The following BATF variants were observed in gnomAD, a reference collection of about 807,000 sequenced individuals.
BATF encodes basic leucine zipper ATF-like transcription factor.
In BATF, 5 loss-of-function variants were observed where a neutral mutation model predicts 13.7. That is an observed-to-expected ratio of 0.36 (90% CI 0.19 to 0.77). The LOEUF is 0.77. Ranked by LOEUF, BATF falls within the 30% of genes least tolerant of loss-of-function variation. The pLI, the probability that BATF is intolerant of heterozygous loss-of-function variation, is 0.51. For synonymous variants in BATF, 72 were observed against 67.5 expected (o/e 1.07, Z -0.33); for missense variants, 124 against 163.0 (o/e 0.76, Z 1.30).
At position 75,540,012 on chromosome 14, in the gene BATF, C is replaced by T. The variant is rs1421787324; in HGVS notation, c.169-6450C>T. Reference sequence around the variant, plus strand: ...ACGCCACTTAAGTGTAGGTGGGAGCCAAAAGGTCACCCTGCCAATACATGA... The same window carrying T: ...ACGCCACTTAAGTGTAGGTGGGAGCTAAAAGGTCACCCTGCCAATACATGA... On this transcript the variant is annotated intron_variant, in intron 2 of 2. Transcript: ENST00000286639. Among the ~76,000 whole-genome samples the T allele has an allele frequency of 2.0e-5, 3 of 152,066 alleles. No homozygotes were observed. In the East Asian group the frequency reaches 5.8e-4, roughly 29 times the overall value.
intron 1 of BATF, among the ~76,000 whole-genome samples, chr14:75,523,049 T>A (rs953062632): frequency 4.0e-5 from 6 of 151,782 alleles, no homozygotes; most frequent in Admixed American, 1.3e-4. Flanking sequence ...AGGATGAACA[T>A]CAAAGAATGC....
chr14:75,546,151 C>A (rs377054982), intron 2 of BATF, among the ~76,000 whole-genome samples: 5 of 152,150 alleles, frequency 3.3e-5, no homozygotes, highest in African/African-American at 9.7e-5. Flanking sequence ...GGTAAGCCAC[C>A]GCGCCCGGCC....
chr14:75,531,255 C>T (rs1887726843), intron 2 of BATF, among the ~76,000 whole-genome samples: 1 of 152,150 alleles, frequency 6.6e-6, no homozygotes, highest in East Asian at 1.9e-4. Flanking sequence ...ATGGCAAATC[C>T]GTTTCCTTTG....
rs756620195 is a variant in BATF, at chr14:75,522,733, C to T, written c.51C>T (p.Pro17=). Residue 17 remains proline (P), a synonymous_variant, in exon 1 of 3, where the codon CCC becomes CCT. Transcript: ENST00000286639. ...SSDSSFSRSP[P]PGKQDSSDDV... is the part of the protein sequence containing the mutation. ...ACTCCAGCTTCAGCCGCTCTCCTCC[C>T]CCTGGCAAACAGGTAGAGTCCTCCT... is the stretch of plus-strand genomic sequence containing the variant. The T allele has an allele frequency of 6.2e-7, 1 of 1,614,202 alleles. No individual in the cohort carries two copies. Among genetic ancestry groups the T allele is most frequent in the Non-Finnish European group, 8.5e-7 (1 of 1,180,012 alleles).
At chr14:75,525,261 C>T in intron 2 of BATF, 73 bp downstream of exon 2, 1 of 1,459,756 alleles carries the variant, frequency 6.9e-7, no homozygotes, top group Non-Finnish European at 9.4e-7. Flanking sequence ...ACCCTTGGAC[C>T]ATAGCTTTGA....
intron 2 of BATF, among the ~76,000 whole-genome samples, chr14:75,537,173 C>T (rs1055535408): frequency 3.3e-5 from 5 of 152,108 alleles, no homozygotes; most frequent in African/African-American, 4.8e-5. Context: ...GGAAATGGCA[C>T]GACGAAGTTC....
chr14:75,538,144 A>T (rs1048992665), intron 2 of BATF, among the ~76,000 whole-genome samples: 8 of 152,126 alleles, frequency 5.3e-5, no homozygotes, highest in African/African-American at 1.9e-4. Context: ...TTTTTTGTAA[A>T]GATTGGGTAT....
At chr14:75,538,816 G>A (rs1387613639) in intron 2 of BATF, among the ~76,000 whole-genome samples, 2 of 152,202 alleles carry the variant, frequency 1.3e-5, no homozygotes, top group Non-Finnish European at 2.9e-5. Flanking sequence ...CAGGAGAATG[G>A]CATGAACCCG....
At chr14:75,545,388 ATTTTTTTTT>A (rs35791450) in intron 2 of BATF, among the ~76,000 whole-genome samples, 2 of 105,216 alleles carry the variant, frequency 1.9e-5, no homozygotes, top group Non-Finnish European at 3.6e-5. Flanking sequence ...CGCCTGGTTA[ATTTTTTTTT>A]TTTTTTTTTT....
intron 2 of BATF, among the ~76,000 whole-genome samples, chr14:75,526,952 A>C (rs1887662824): frequency 6.6e-6 from 1 of 152,204 alleles, no homozygotes; most frequent in Admixed American, 6.5e-5. Context: ...AACTGCTGTA[A>C]GCTTTTTAAG....
At chr14:75,538,856 G>T (rs184238309) in intron 2 of BATF, among the ~76,000 whole-genome samples, 4 of 152,346 alleles carry the variant, frequency 2.6e-5, no homozygotes, top group South Asian at 4.1e-4. Flanking sequence ...AGCCGAGATC[G>T]TGCCACTGCA....
chr14:75,534,217 C>T (rs1887785804), intron 2 of BATF, among the ~76,000 whole-genome samples: 2 of 152,298 alleles, frequency 1.3e-5, no homozygotes, highest in Middle Eastern at 3.4e-3. Flanking sequence ...ATTTATGCTA[C>T]AGAAAGAAAC....
intron 2 of BATF, 47 bp downstream of exon 2, chr14:75,525,235 C>G: frequency 1.9e-6 from 3 of 1,561,278 alleles, no homozygotes; most frequent in Non-Finnish European, 2.6e-6. Flanking sequence ...TAGGCTTTGC[C>G]CTCCGCCATC....
At chr14:75,546,385 C>T in intron 2 of BATF, 77 bp from the exon 3 acceptor site, 1 of 1,475,764 alleles carries the variant, frequency 6.8e-7, no homozygotes, top group Non-Finnish European at 9.4e-7. Flanking sequence ...TCTGGCCCCT[C>T]CTGTGTCCCT....
chr14:75,533,686 G>C (rs1887773544), intron 2 of BATF, among the ~76,000 whole-genome samples: 1 of 152,112 alleles, frequency 6.6e-6, no homozygotes, highest in African/African-American at 2.4e-5. Flanking sequence ...ACAGTATAAA[G>C]GCCCCTTCAG....
intron 1 of BATF, among the ~76,000 whole-genome samples, 175 bp downstream of exon 1, chr14:75,522,920 A>G (rs1011433582): frequency 5.9e-5 from 9 of 152,148 alleles, no homozygotes; most frequent in African/African-American, 1.9e-4. Flanking sequence ...ATTGGCAGAG[A>G]TCCTCATCCT....
intron 2 of BATF, 148 bp downstream of exon 2, chr14:75,525,336 T>G (rs1887635407): frequency 1.3e-6 from 1 of 786,502 alleles, no homozygotes; most frequent in Non-Finnish European, 2.0e-6. Flanking sequence ...TGGGGTGAGG[T>G]AGGGAAGGGA....
At chr14:75,530,646 A>T (rs1887718815) in intron 2 of BATF, among the ~76,000 whole-genome samples, 1 of 152,168 alleles carries the variant, frequency 6.6e-6, no homozygotes, top group African/African-American at 2.4e-5. Context: ...TGCTACCATT[A>T]GTTTTTTAAT....
At position 75,542,171 on chromosome 14, in the gene BATF, G is replaced by A. The variant is rs190563101; in HGVS notation, c.169-4291G>A. ...TTGAGGTGAATCCTATAGCACAGCT[G>A]TCACCAGCCTGTGGTCATTTTGGAG... On this transcript the variant is annotated intron_variant, in intron 2 of 2. Coordinates refer to ENST00000286639, the MANE Select transcript of BATF (RefSeq NM_006399.5). Among the ~76,000 whole-genome samples the A allele has an allele frequency of 3.7e-3, 568 of 152,356 alleles. 2 individuals carry two copies. The highest frequency in any genetic ancestry group is 6.1e-3 in the Non-Finnish European group (416 of 68,040).
Sources: allele counts gnomAD v4.1 joint callset (sites outside exome capture counted in the v4.1 genomes callset), GRCh38; gene constraint gnomAD v4.1.1; transcripts MANE v1.5; gene names NCBI Gene and HGNC (gene_info 2026-07-23, HGNC 2026-07-21).